Variants in RNF10 observed in about 807,000 individuals in gnomAD.
The protein encoded by RNF10 is ring finger protein 10, also known as E3 ubiquitin-protein ligase RNF10.
In RNF10, 38 loss-of-function variants were observed where a neutral mutation model predicts 91.4. That is an observed-to-expected ratio of 0.42 (90% CI 0.32 to 0.54). The LOEUF is 0.54. RNF10 is among the 20% of genes least tolerant of loss of function. The pLI is 0.16. For missense variants in RNF10, 945 were observed against 1,012.0 expected (o/e 0.93, Z 0.90); for synonymous variants, 364 against 366.3 (o/e 0.99, Z 0.07).
intron 1 of RNF10, among the ~76,000 whole-genome samples, chr12:120,538,043 G>A (rs973961002): frequency 6.6e-6 from 1 of 152,106 alleles, no homozygotes; most frequent in Non-Finnish European, 1.5e-5. Context: ...CTCAAGCTCC[G>A]CATAATCCCA....
chr12:120,542,614 G>A (rs1343119177), intron 1 of RNF10, among the ~76,000 whole-genome samples: 1 of 152,128 alleles, frequency 6.6e-6, no homozygotes, highest in Non-Finnish European at 1.5e-5. Context: ...GTGCAGTGGC[G>A]TGATTTCAGC....
At chr12:120,573,681 G>T (rs1876991160) in intron 14 of RNF10, among the ~76,000 whole-genome samples, 1 of 152,062 alleles carries the variant, frequency 6.6e-6, no homozygotes, top group African/African-American at 2.4e-5. Flanking sequence ...CATGGTACAC[G>T]AAGTGAAGGG....
intron 3 of RNF10, 75 bp from the exon 4 acceptor site, chr12:120,554,643 T>G (rs752497084): frequency 1.7e-5 from 20 of 1,160,244 alleles, no homozygotes; most frequent in Non-Finnish European, 2.6e-5. Flanking sequence ...TCTAAGTGAA[T>G]AGATGACAAT....
At chr12:120,564,352 T>C (rs963939360) in intron 10 of RNF10, among the ~76,000 whole-genome samples, 26 of 152,312 alleles carry the variant, frequency 1.7e-4, no homozygotes, top group Non-Finnish European at 2.9e-4. Flanking sequence ...TGAAAATAAA[T>C]GGGCTGGATG....
intron 1 of RNF10, among the ~76,000 whole-genome samples, chr12:120,537,256 T>C (rs970148025): frequency 4.0e-5 from 6 of 151,610 alleles, no homozygotes; most frequent in African/African-American, 1.5e-4. Flanking sequence ...GAGGTTGCAG[T>C]GAGCCACGAT....
intron 7 of RNF10, among the ~76,000 whole-genome samples, chr12:120,561,170 CAG>C (rs1260984287): frequency 6.6e-6 from 1 of 152,146 alleles, no homozygotes; most frequent in Non-Finnish European, 1.5e-5. Context: ...CTAATTGTGA[CAG>C]TGGAGTTTTT....
intron 9 of RNF10, 68 bp from the exon 10 acceptor site, chr12:120,563,742 T>C (rs1875264148): frequency 6.3e-7 from 1 of 1,594,804 alleles, no homozygotes; most frequent in Admixed American, 1.7e-5. Context: ...CCCTTGGGCA[T>C]GGGGAGGGGT....
At chr12:120,554,545 T>G (rs759807099) in intron 3 of RNF10, 173 bp from the exon 4 acceptor site, 10 of 580,648 alleles carry the variant, frequency 1.7e-5, no homozygotes, top group African/African-American at 3.8e-5. Flanking sequence ...AGTCTTTGGG[T>G]TCTTTCCAGA....
intron 1 of RNF10, among the ~76,000 whole-genome samples, chr12:120,538,526 A>G (rs1019292973): frequency 3.9e-5 from 6 of 152,200 alleles, no homozygotes; most frequent in Non-Finnish European, 8.8e-5. Flanking sequence ...TTATATTCCT[A>G]CAGCTTCATT....
intron 13 of RNF10, among the ~76,000 whole-genome samples, chr12:120,569,348 C>T (rs1004530920): frequency 6.6e-6 from 1 of 151,510 alleles, no homozygotes; most frequent in African/African-American, 2.4e-5. Context: ...CTTGTGGTGA[C>T]CATTTTGTTC....
At chr12:120,557,753 A>T (rs1217305798) in intron 6 of RNF10, 71 bp downstream of exon 6, 1 of 1,546,432 alleles carries the variant, frequency 6.5e-7, no homozygotes, top group Non-Finnish European at 8.9e-7. Flanking sequence ...ATATCTAAGC[A>T]TCAGAAAGTG....
chr12:120,563,146 T>G, intron 8 of RNF10, 76 bp downstream of exon 8: 2 of 1,592,310 alleles, frequency 1.3e-6, no homozygotes, highest in Non-Finnish European at 8.6e-7. Flanking sequence ...TACTGTGAGA[T>G]CTAAACCTTC....
chr12:120,557,437 C>T lies in RNF10; in HGVS notation c.801C>T (p.Tyr267=), dbSNP rs1463274225. The T allele has an allele frequency of 1.9e-6, 3 of 1,614,166 alleles. No individual in the cohort carries two copies. Among genetic ancestry groups the T allele is most frequent in the Admixed American group, 1.7e-5 (1 of 59,998 alleles). ...EKTWSKCPIC[Y]SSVHKKDLKS... is the part of the protein sequence containing the mutation. ...CGTGGAGTAAATGTCCCATCTGTTA[C>T]AGTTCTGTGCATAAGAAGGATCTCA... The change falls in exon 5 of 17, where the codon TAC becomes TAT. Residue 267 remains tyrosine, a synonymous_variant. Coordinates refer to ENST00000325954, the MANE Select transcript of RNF10 (RefSeq NM_014868.5).
intron 14 of RNF10, chr12:120,574,897 A>C (rs112784456): frequency 4.0e-5 from 8 of 199,534 alleles, no homozygotes; most frequent in Middle Eastern, 2.1e-3. Flanking sequence ...ATTGCACTCC[A>C]GCCTGGGCAA....
chr12:120,576,611 G>C lies in RNF10; in HGVS notation c.2381G>C (p.Arg794Thr). The C allele has an allele frequency of 6.2e-7, 1 of 1,613,568 alleles. No homozygotes were observed. Among genetic ancestry groups the C allele is most frequent in the Non-Finnish European group, 8.5e-7 (1 of 1,179,808 alleles). Reference sequence around the variant, plus strand: ...TTAGAAGAGAAAGGAGGAAAGAAAAGAAAAAAACAGAAACAGAAGCTCCTG... The same window carrying C: ...TTAGAAGAGAAAGGAGGAAAGAAAACAAAAAAACAGAAACAGAAGCTCCTG... ...PLSEEKGGKK[R>T]KKQKQKLLFS... Residue 794 changes from arginine (R) to threonine (T), a missense_variant, in exon 17 of 17, where the codon AGA becomes ACA. By Grantham distance (71) the Arg-to-Thr change is moderately conservative (BLOSUM62 -1). Coordinates refer to ENST00000325954, the MANE Select transcript of RNF10 (RefSeq NM_014868.5).
At chr12:120,576,062 C>A in intron 16 of RNF10, 112 bp downstream of exon 16, 2 of 1,061,738 alleles carry the variant, frequency 1.9e-6, no homozygotes, top group Middle Eastern at 3.1e-4. Context: ...CCCTTCTGAA[C>A]CCTTCAGCAC....
At chr12:120,535,889 T>C (rs992709451) in intron 1 of RNF10, among the ~76,000 whole-genome samples, 3 of 152,224 alleles carry the variant, frequency 2.0e-5, no homozygotes, top group South Asian at 4.1e-4. Context: ...ATTGTTCATA[T>C]TTAAAGAAGG....
intron 1 of RNF10, among the ~76,000 whole-genome samples, chr12:120,537,697 ATG>A (rs1871031651): frequency 6.6e-6 from 1 of 151,856 alleles, no homozygotes; most frequent in Non-Finnish European, 1.5e-5. Flanking sequence ...TTTTTGTTTA[ATG>A]TGTGTGTTAG....
At chr12:120,550,658 G>A (rs1487818476) in intron 2 of RNF10, among the ~76,000 whole-genome samples, 3 of 151,002 alleles carry the variant, frequency 2.0e-5, no homozygotes, top group South Asian at 2.1e-4. Context: ...GTGCAGTGGC[G>A]TGATCTCGGC....
Sources: allele counts gnomAD v4.1 joint callset (sites outside exome capture counted in the v4.1 genomes callset), GRCh38; gene constraint gnomAD v4.1.1; transcripts MANE v1.5; gene names NCBI Gene and HGNC (gene_info 2026-07-23, HGNC 2026-07-21).